MAIP1: variants seen among roughly 807,000 people sequenced by gnomAD.
The protein encoded by MAIP1 is matrix AAA peptidase interacting protein 1, also known as m-AAA protease-interacting protein 1, mitochondrial.
MAIP1 carries 28 observed loss-of-function variants against 31.2 expected under a neutral mutation model. The ratio of observed to expected loss-of-function variants is 0.90; its 90% confidence interval spans 0.67 to 1.23. MAIP1 has a LOEUF of 1.23. Ranked by LOEUF, MAIP1 falls within the 50% of genes most tolerant of loss-of-function variation. The probability of loss-of-function intolerance (pLI) is 0.00; values close to 1 mark genes in which losing one functional copy is unlikely to be tolerated. For missense variants in MAIP1, 339 were observed against 356.0 expected (o/e 0.95, Z 0.38); for synonymous variants, 142 against 142.3 (o/e 1.00, Z 0.02).
chr2:199,960,563 T>A (rs551160700), intron 3 of MAIP1, among the ~76,000 whole-genome samples: 2 of 152,366 alleles, frequency 1.3e-5, no homozygotes, highest in African/African-American at 2.4e-5. Flanking sequence ...AGTTTTTTTC[T>A]TGTCATTATT....
At chr2:199,957,256 G>A (rs6745617) in intron 1 of MAIP1, among the ~76,000 whole-genome samples, 21,063 of 152,138 alleles carry the variant, frequency 0.14, 1,753 homozygotes, top group Middle Eastern at 0.23. Context: ...AAAATTAGGC[G>A]TGGCGAGCCC....
chr2:199,959,909 T>G (rs765988345), intron 3 of MAIP1, 29 bp downstream of exon 3: 1 of 1,601,330 alleles, frequency 6.2e-7, no homozygotes, highest in South Asian at 1.1e-5. Flanking sequence ...CAACTTGAAA[T>G]GATCCATAAT....
rs747358230 is a variant in MAIP1, at chr2:199,955,814, C to G, written c.16C>G (p.Arg6Gly). The change falls in exon 1 of 5, where the codon CGT becomes GGT. Residue 6 changes from arginine to glycine, a missense_variant. Transcript: ENST00000392290. ...GGTCATAAAAATGGCGCTGGCCGCT[C>G]GTTTGCTACCCCAGTTCCTGCACTC... is the stretch of plus-strand genomic sequence containing the variant. Reference protein sequence around the residue: MALAARLLPQFLHSRS... With the variant: MALAAGLLPQFLHSRS... 2 of 1,516,136 alleles carry G rather than the reference C, an allele frequency of 1.3e-6. No individual in the cohort carries two copies. The highest frequency in any genetic ancestry group is 1.8e-6 in the Non-Finnish European group (2 of 1,133,852). The allele number at this position is 1,516,136 out of a possible 1,614,324, so 93.9% of individuals were successfully genotyped here.
In MAIP1 at chr2:199,956,158, C is replaced by T; in HGVS notation, c.360C>T (p.Asn120=). ...TCCTGGGATTCTCCAACCCCATCAA[C>T]TGGGTTAGGACTCGAATTAAGGCCT... ...MIVLGFSNPI[N]WVRTRIKAFL... The change falls in exon 1 of 5, where the codon AAC becomes AAT. Residue 120 remains asparagine, a synonymous_variant. Coordinates refer to ENST00000392290, the MANE Select transcript of MAIP1 (RefSeq NM_001394955.1). 1.2e-6 allele frequency: 2 copies of T among 1,614,224 alleles called. No individual in the cohort carries two copies. Among genetic ancestry groups the T allele is most frequent in the East Asian group, 2.2e-5 (1 of 44,890 alleles).
chr2:199,959,967 T>C, intron 3 of MAIP1, 87 bp downstream of exon 3: 1 of 1,259,730 alleles, frequency 7.9e-7, no homozygotes, highest in South Asian at 1.5e-5. Context: ...AGTAGAGTTT[T>C]GTCAGGACAA....
At chr2:199,956,682 TGG>T (rs1441101817) in intron 1 of MAIP1, among the ~76,000 whole-genome samples, 29 of 152,214 alleles carry the variant, frequency 1.9e-4, no homozygotes, top group African/African-American at 6.5e-4. Flanking sequence ...CATTAATAAA[TGG>T]GTAAGATTGA....
rs1041835499 is a variant in MAIP1, at chr2:199,960,839, C to G, written c.650-942C>G. Among the ~76,000 whole-genome samples the G allele has an allele frequency of 3.9e-5, 6 of 152,340 alleles. No homozygotes were observed. In the East Asian group the frequency reaches 1.2e-3, roughly 29 times the overall value. ...AGGAAATGGAGCCTCTGCTTATACA[C>G]TTCCCAAGATGGAAGAAAAAGACTC... On this transcript the variant is annotated intron_variant, in intron 3 of 4. Coordinates refer to ENST00000392290, the MANE Select transcript of MAIP1 (RefSeq NM_001394955.1).
intron 1 of MAIP1, among the ~76,000 whole-genome samples, chr2:199,958,784 C>T (rs969563840): frequency 3.9e-5 from 6 of 152,130 alleles, no homozygotes; most frequent in Non-Finnish European, 7.3e-5. Flanking sequence ...TGTTTTAGAC[C>T]ACATAAACTA....
intron 3 of MAIP1, 138 bp from the exon 4 acceptor site, chr2:199,961,643 A>G: frequency 1.5e-6 from 1 of 650,770 alleles, no homozygotes; most frequent in Admixed American, 3.2e-5. Context: ...CAAGTATTTT[A>G]AGTCACATCA....
upstream of MAIP1, chr2:199,955,356 T>C: frequency 6.2e-6 from 10 of 1,606,756 alleles, no homozygotes; most frequent in Non-Finnish European, 7.6e-6. Context: ...TGTCTCTCGC[T>C]GGTTTCTCGA....
At chr2:199,962,988 A>G (rs1340779575) in intron 4 of MAIP1, among the ~76,000 whole-genome samples, 1 of 152,088 alleles carries the variant, frequency 6.6e-6, no homozygotes, top group Non-Finnish European at 1.5e-5. Context: ...AAGAAATAAA[A>G]TGTATTCTGT....
intron 1 of MAIP1, among the ~76,000 whole-genome samples, chr2:199,958,226 C>T (rs539470682): frequency 8.1e-4 from 124 of 152,258 alleles, no homozygotes; most frequent in African/African-American, 1.8e-3. Flanking sequence ...CCTGTGCATG[C>T]GTGCTCCTGG....
In MAIP1 at chr2:199,955,696, C is replaced by T; in HGVS notation, c.-103C>T. On this transcript the variant is annotated 5_prime_UTR_variant, in exon 1 of 5. Coordinates refer to ENST00000392290, the MANE Select transcript of MAIP1 (RefSeq NM_001394955.1). Reference sequence around the variant, plus strand: ...CTCACCAGAGGCTGCAGCAACAGGTCCACTTTGCTCTCCAGTCTCTTTCTC... The same window carrying T: ...CTCACCAGAGGCTGCAGCAACAGGTTCACTTTGCTCTCCAGTCTCTTTCTC... The T allele has an allele frequency of 1.6e-6, 2 of 1,222,666 alleles. No individual in the cohort carries two copies. Among genetic ancestry groups the T allele is most frequent in the Non-Finnish European group, 2.3e-6 (2 of 887,856 alleles). 75.7% of individuals were successfully genotyped at this position (1,222,666 alleles called of 1,614,324 possible). A position where few individuals can be genotyped will look rare whatever the true frequency, so the allele number is the denominator to read the frequency against.
intron 4 of MAIP1, among the ~76,000 whole-genome samples, chr2:199,962,461 G>A (rs1317380555): frequency 6.6e-6 from 1 of 152,212 alleles, no homozygotes; most frequent in Non-Finnish European, 1.5e-5. Flanking sequence ...CTAGGAGGCA[G>A]AAAATGGAAG....
chr2:199,962,822 TA>T (rs2077643595), intron 4 of MAIP1, among the ~76,000 whole-genome samples: 1 of 152,156 alleles, frequency 6.6e-6, no homozygotes, highest in South Asian at 2.1e-4. Flanking sequence ...GCAAGTTACG[TA>T]AAAGAGACAT....
chr2:199,963,442 G>GT (rs1040396883), intron 4 of MAIP1, among the ~76,000 whole-genome samples: 2 of 152,034 alleles, frequency 1.3e-5, no homozygotes, highest in African/African-American at 2.4e-5. Flanking sequence ...AGCTATATGT[G>GT]TTATTTATAT....
chr2:199,957,405 A>C (rs939364865), intron 1 of MAIP1, among the ~76,000 whole-genome samples: 9 of 152,198 alleles, frequency 5.9e-5, no homozygotes, highest in Admixed American at 3.3e-4. Context: ...AAACAAAAAC[A>C]AACAAAAAAA....
At chr2:199,960,530 T>C (rs1240543378) in intron 3 of MAIP1, among the ~76,000 whole-genome samples, 2 of 152,220 alleles carry the variant, frequency 1.3e-5, no homozygotes, top group Non-Finnish European at 2.9e-5. Flanking sequence ...AAAAAATAGT[T>C]GCATCTGTAC....
upstream of MAIP1, chr2:199,955,501 TC>T: frequency 6.2e-7 from 1 of 1,609,498 alleles, no homozygotes; most frequent in Non-Finnish European, 8.5e-7. Context: ...TTCCAGGTCT[TC>T]GGAACTTCGG....
Sources: gnomAD v4.1 joint callset for allele counts (sites outside exome capture counted in the v4.1 genomes callset) on GRCh38, gnomAD v4.1.1 for gene constraint, MANE v1.5 for transcripts, NCBI Gene and HGNC (gene_info 2026-07-23, HGNC 2026-07-21) for gene names.